Variants in INSR observed in about 807,000 individuals in gnomAD.
The protein encoded by INSR is insulin receptor, also known as IR.
A neutral mutation model predicts 142.6 loss-of-function variants in INSR; 67 were observed. That is an observed-to-expected ratio of 0.47 (90% CI 0.39 to 0.58). INSR has a LOEUF of 0.58. INSR is among the 20% of genes least tolerant of loss of function. The probability of loss-of-function intolerance (pLI) is 0.00; values close to 1 mark genes in which losing one functional copy is unlikely to be tolerated. For missense variants in INSR, 1,248 were observed against 1,833.2 expected (o/e 0.68, Z 5.83); for synonymous variants, 756 against 743.1 (o/e 1.02, Z -0.28).
chr19:7,196,135 AAGTTGGTCAGG>A (rs1400167619), intron 2 of INSR, among the ~76,000 whole-genome samples: 3 of 151,924 alleles, frequency 2.0e-5, no homozygotes, highest in African/African-American at 4.8e-5. Context: ...GGGCTTCTCC[AAGTTGGTCAGG>A]CTGGTCTCGA....
rs1392818176 is a variant in INSR at position 7,170,586 on chromosome 19, G to A, written c.1434C>T (p.Arg478=). Residue 478 remains arginine, a synonymous_variant, in exon 6 of 22, where the codon CGC becomes CGT. Coordinates refer to ENST00000302850, the MANE Select transcript of INSR (RefSeq NM_000208.4). ...TCAGGGCAATGTCGTTTCTCTCCTG[G>A]CGCCCCTTGGTTCCTGAAACTTCTT... The part of the protein sequence containing the change: ...KMEEVSGTKG[R]QERNDIALKT... 1 of 1,613,498 alleles carries A rather than the reference G, an allele frequency of 6.2e-7. No individual in the cohort carries two copies. Among genetic ancestry groups the A allele is most frequent in the Admixed American group, 1.7e-5 (1 of 59,920 alleles).
intron 2 of INSR, among the ~76,000 whole-genome samples, chr19:7,214,779 C>CT: frequency 6.6e-6 from 1 of 151,850 alleles, no homozygotes; most frequent in African/African-American, 2.4e-5. Flanking sequence ...CTTCCCTTCC[C>CT]TTTTTTTCTT....
chr19:7,231,443 G>A (rs1975975328), intron 2 of INSR, among the ~76,000 whole-genome samples: 1 of 151,820 alleles, frequency 6.6e-6, no homozygotes, highest in African/African-American at 2.4e-5. Context: ...TGGGATTACA[G>A]GTCCCCAACA....
At chr19:7,173,036 A>G (rs1974055470) in intron 4 of INSR, among the ~76,000 whole-genome samples, 1 of 152,130 alleles carries the variant, frequency 6.6e-6, no homozygotes, top group African/African-American at 2.4e-5. Context: ...TTCATATTAC[A>G]ACGGCAGAGT....
chr19:7,135,967 C>CAAAAAAAA (rs1012987600), intron 13 of INSR, among the ~76,000 whole-genome samples: 1 of 92,832 alleles, frequency 1.1e-5, no homozygotes, highest in East Asian at 9.3e-4. Flanking sequence ...GACTCCATCT[C>CAAAAAAAA]AAAAAAAAAA....
intron 2 of INSR, among the ~76,000 whole-genome samples, chr19:7,250,426 GAA>G (rs1976679968): frequency 1.7e-5 from 2 of 119,238 alleles, no homozygotes; most frequent in South Asian, 2.7e-4. Flanking sequence ...AGAAAGCAAG[GAA>G]GAAAGAAGAA....
chr19:7,227,600 C>T (rs140649031), intron 2 of INSR, among the ~76,000 whole-genome samples: 4 of 152,238 alleles, frequency 2.6e-5, no homozygotes, highest in Non-Finnish European at 5.9e-5. Flanking sequence ...CGAAAGATCA[C>T]GTGCTTTTTC....
At chr19:7,140,243 CA>C (rs1446979750) in intron 13 of INSR, among the ~76,000 whole-genome samples, 11 of 152,278 alleles carry the variant, frequency 7.2e-5, no homozygotes, top group Middle Eastern at 3.4e-3. Context: ...GACTCCCTCT[CA>C]AAGTTCCAGG....
intron 2 of INSR, among the ~76,000 whole-genome samples, chr19:7,254,832 G>A (rs537556346): frequency 3.3e-5 from 5 of 152,110 alleles, no homozygotes; most frequent in African/African-American, 9.7e-5. Context: ...GGAAGTAACC[G>A]GTCAGTGAGT....
chr19:7,168,797 T>C lies in INSR; in HGVS notation c.1484-703A>G, dbSNP rs1402383656. Among the ~76,000 whole-genome samples, 1 of 151,346 alleles carries C rather than the reference T, an allele frequency of 6.6e-6. No homozygotes were observed. Among genetic ancestry groups the C allele is most frequent in the Non-Finnish European group, 1.5e-5 (1 of 67,858 alleles). The stretch of plus-strand genomic sequence containing the variant: ...TTTTTTTTTTTTAGTAGAGATGGAG[T>C]TTCACCACATTGGCCAGGCTGGTCT... On this transcript the variant is annotated intron_variant, in intron 6 of 21. Transcript: ENST00000302850. The surrounding 1 kb of genome is among the most constrained non-coding windows in gnomAD (Gnocchi z 4.3).
At chr19:7,228,374 C>A (rs1975853508) in intron 2 of INSR, among the ~76,000 whole-genome samples, 1 of 152,138 alleles carries the variant, frequency 6.6e-6, no homozygotes, top group Admixed American at 6.6e-5. Context: ...ATCTATGAGA[C>A]AATCAAGATT....
intron 2 of INSR, among the ~76,000 whole-genome samples, chr19:7,229,093 G>C (rs1975874847): frequency 6.6e-6 from 1 of 151,712 alleles, no homozygotes; most frequent in Non-Finnish European, 1.5e-5. Context: ...ATGGATGGGT[G>C]ATTGGATGAG....
rs187887695 is a variant in INSR, at chr19:7,228,581, A to G, written c.652+38764T>C. On this transcript the variant is annotated intron_variant, in intron 2 of 21. Transcript: ENST00000302850. ...TGCCATAACAAGGTTAACAGCAATA[A>G]CTGGTCTAATTATTGGCAAAAGGCA... 1.2e-4 allele frequency among the ~76,000 whole-genome samples: 18 copies of G among 152,304 alleles called. 2 individuals carry two copies. Among genetic ancestry groups the G allele is most frequent in the East Asian group, 7.7e-4 (4 of 5,188 alleles).
At position 7,174,691 on chromosome 19, in the gene INSR, A is replaced by G; in HGVS notation, c.1015T>C (p.Cys339Arg). ...GTCTTCTCGCCTTCTAGGAGGTGGC[A>G]CACCTTGGGACAGGGACCCAGGCAT... ...TPCLGPCPKV[C>R]HLLEGEKTID... is the part of the protein sequence containing the mutation. The change falls in exon 4 of 22, where the codon TGC becomes CGC. Residue 339 changes from cysteine (C) to arginine (R), a missense_variant. Physicochemically the swap from Cys to Arg is radical, Grantham distance 180. This residue lies in a region of INSR where 1,069 missense variants were observed against 1,654.0 expected (regional missense o/e 0.65). Transcript: ENST00000302850. The G allele has an allele frequency of 6.2e-7, 1 of 1,613,922 alleles. No individual in the cohort carries two copies. Among genetic ancestry groups the G allele is most frequent in the Non-Finnish European group, 8.5e-7 (1 of 1,179,928 alleles).
chr19:7,119,873 CACAA>C lies in INSR; in HGVS notation c.3660-294_3660-291del, dbSNP rs1599867173. On this transcript the variant is annotated intron_variant, in intron 20 of 21. Coordinates refer to ENST00000302850, the MANE Select transcript of INSR (RefSeq NM_000208.4). The surrounding 1 kb of genome is among the most constrained non-coding windows in gnomAD (Gnocchi z 5.2). ...ACACACGCACACACATGCAAACACACACAAACACACATATGCACACACATACACA... is the reference window on the plus strand; with the variant it reads ...ACACACGCACACACATGCAAACACACACACACATATGCACACACATACACA... Among the ~76,000 whole-genome samples the C allele has an allele frequency of 5.3e-5, 8 of 151,934 alleles. No homozygotes were observed. Among genetic ancestry groups the C allele is most frequent in the East Asian group, 1.9e-4 (1 of 5,186 alleles).
intron 2 of INSR, among the ~76,000 whole-genome samples, chr19:7,252,515 C>T (rs1976759106): frequency 6.6e-6 from 1 of 152,168 alleles, no homozygotes; most frequent in Non-Finnish European, 1.5e-5. Context: ...ATCATCACCA[C>T]CAATGAGGCA....
At chr19:7,207,140 G>C (rs958661588) in intron 2 of INSR, among the ~76,000 whole-genome samples, 4 of 152,140 alleles carry the variant, frequency 2.6e-5, no homozygotes, top group African/African-American at 9.7e-5. Context: ...CCGTGGCCAG[G>C]CACGGTGGTT....
At chr19:7,231,245 C>G (rs569599256) in intron 2 of INSR, among the ~76,000 whole-genome samples, 1 of 151,268 alleles carries the variant, frequency 6.6e-6, no homozygotes, top group Non-Finnish European at 1.5e-5. Context: ...TCTGCAAATG[C>G]TGTTTTCGTT....
intron 2 of INSR, among the ~76,000 whole-genome samples, chr19:7,248,156 T>C (rs1182444152): frequency 6.6e-6 from 1 of 150,996 alleles, no homozygotes; most frequent in Non-Finnish European, 1.5e-5. Flanking sequence ...TTTATTTTTT[T>C]ATTTTTGGAG....
Sources: gnomAD v4.1 joint callset for allele counts (sites outside exome capture counted in the v4.1 genomes callset) on GRCh38, gnomAD v4.1.1 for gene constraint, gnomAD v4.1.1 regional missense constraint, Gnocchi (gnomAD v3.1) non-coding constraint, MANE v1.5 for transcripts, NCBI Gene and HGNC (gene_info 2026-07-23, HGNC 2026-07-21) for gene names.